Variants in ATXN2 observed in about 807,000 individuals in gnomAD.
ATXN2 encodes ataxin 2.
Under a neutral mutation model 138.6 loss-of-function variants are expected in ATXN2, and 37 were observed. The ratio of observed to expected loss-of-function variants is 0.27; its 90% CI spans 0.21 to 0.35. The LOEUF is 0.35. Among genes scored for constraint, ATXN2 ranks in the 10% least tolerant of loss-of-function variants. The probability of loss-of-function intolerance (pLI) is 1.00; values close to 1 mark genes in which losing one functional copy is unlikely to be tolerated. For missense variants in ATXN2, 1,216 were observed against 1,480.3 expected, an observed-to-expected ratio of 0.82 and a Z score of 2.93; for synonymous variants, 549 against 543.7, an observed-to-expected ratio of 1.01 and a Z score of -0.13.
intron 2 of ATXN2, 121 bp downstream of exon 2, chr12:111,555,762 G>A (rs1313400118): frequency 1.3e-6 from 1 of 788,200 alleles, no homozygotes; most frequent in African/African-American, 1.8e-5. Context: ...TACTTAAACA[G>A]TCAAGTTATC....
chr12:111,591,427 T>C (rs959362123), intron 1 of ATXN2, among the ~76,000 whole-genome samples: 6 of 152,024 alleles, frequency 3.9e-5, no homozygotes, highest in South Asian at 2.1e-4. Context: ...CTCAGCACTT[T>C]GGGAAGCTGA....
At chr12:111,490,404 G>A (rs1877945729) in intron 14 of ATXN2, among the ~76,000 whole-genome samples, 4 of 152,030 alleles carry the variant, frequency 2.6e-5, no homozygotes, top group Non-Finnish European at 4.4e-5. Context: ...TGGAGGGACC[G>A]TCATGGAGGC....
chr12:111,586,583 T>TCA (rs991545836), intron 1 of ATXN2, among the ~76,000 whole-genome samples: 1 of 151,864 alleles, frequency 6.6e-6, no homozygotes, highest in African/African-American at 2.4e-5. Flanking sequence ...AGATGGGGTT[T>TCA]CACCCTGTTG....
chr12:111,528,549 C>A (rs1880630989), intron 5 of ATXN2, among the ~76,000 whole-genome samples: 1 of 152,090 alleles, frequency 6.6e-6, no homozygotes, highest in Non-Finnish European at 1.5e-5. Context: ...AATCTTAAAT[C>A]TTCTGTTTAC....
rs555698065 is a variant in ATXN2, at chr12:111,558,608, G to A, written c.252-2689C>T. On this transcript the variant is annotated intron_variant, in intron 1 of 24. Transcript: ENST00000673436. ...AGTGCCGGAGTTTGAGATCAGTCTG[G>A]GCAACAAAGCAAAACCCTGTTTCTA... Among the ~76,000 whole-genome samples, 13 of 152,128 alleles carry A rather than the reference G, an allele frequency of 8.5e-5. No individual in the cohort carries two copies. In the South Asian group the frequency reaches 2.7e-3, roughly 32 times the overall value.
chr12:111,577,727 TAA>T (rs1421644452), intron 1 of ATXN2, among the ~76,000 whole-genome samples: 1 of 151,638 alleles, frequency 6.6e-6, no homozygotes, highest in Non-Finnish European at 1.5e-5. Context: ...GGTCAGAGGT[TAA>T]AAGTCTTAAC....
chr12:111,506,271 G>A (rs1879099894), intron 14 of ATXN2, among the ~76,000 whole-genome samples: 1 of 152,142 alleles, frequency 6.6e-6, no homozygotes, highest in Non-Finnish European at 1.5e-5. Context: ...TGGGGGTGAA[G>A]AGTATGTTTT....
intron 1 of ATXN2, among the ~76,000 whole-genome samples, chr12:111,556,641 C>T (rs986372962): frequency 6.6e-6 from 1 of 151,806 alleles, no homozygotes; most frequent in African/African-American, 2.4e-5. Flanking sequence ...CACAGTGAAA[C>T]CCCATCTCTA....
At chr12:111,543,796 C>T (rs925328820) in intron 5 of ATXN2, among the ~76,000 whole-genome samples, 1 of 152,140 alleles carries the variant, frequency 6.6e-6, no homozygotes. Context: ...ATTACATTAG[C>T]GTGGGCACAG....
At chr12:111,577,555 G>A (rs1008349693) in intron 1 of ATXN2, among the ~76,000 whole-genome samples, 5 of 151,674 alleles carry the variant, frequency 3.3e-5, no homozygotes, top group Admixed American at 6.6e-5. Flanking sequence ...ATGAGCCACC[G>A]GGCCCGGCCC....
intron 5 of ATXN2, among the ~76,000 whole-genome samples, chr12:111,544,118 T>C (rs187609455): frequency 7.2e-5 from 11 of 152,276 alleles, no homozygotes; most frequent in Admixed American, 2.6e-4. Flanking sequence ...AAGAATTACA[T>C]GTAAAATCTA....
chr12:111,537,673 C>G (rs552324771), intron 5 of ATXN2, among the ~76,000 whole-genome samples: 2 of 151,730 alleles, frequency 1.3e-5, no homozygotes, highest in East Asian at 3.9e-4. Context: ...GACAATAAAT[C>G]AATAGTTGCC....
intron 19 of ATXN2, 81 bp downstream of exon 19, chr12:111,470,477 T>C: frequency 6.6e-7 from 1 of 1,510,268 alleles, no homozygotes; most frequent in Non-Finnish European, 9.0e-7. Flanking sequence ...AAAGCAAAAA[T>C]TATAAAGGAA....
intron 16 of ATXN2, among the ~76,000 whole-genome samples, chr12:111,486,491 A>G (rs1263243153): frequency 6.6e-6 from 1 of 152,236 alleles, no homozygotes; most frequent in Non-Finnish European, 1.5e-5. Context: ...GGACGTATCT[A>G]TAAACCTGAC....
chr12:111,488,262 A>C (rs1322515372), intron 15 of ATXN2, among the ~76,000 whole-genome samples: 1 of 152,154 alleles, frequency 6.6e-6, no homozygotes, highest in Admixed American at 6.6e-5. Flanking sequence ...CCTGGGGTAC[A>C]AAAAAGGGGA....
chr12:111,572,413 A>AC (rs1883380144), intron 1 of ATXN2, among the ~76,000 whole-genome samples: 1 of 151,940 alleles, frequency 6.6e-6, no homozygotes, highest in Admixed American at 6.6e-5. Flanking sequence ...AAAAAAAAAA[A>AC]CAAATTTACT....
rs191226454 is a variant in ATXN2, at chr12:111,452,483, C to T, written c.*329G>A. 454 of 156,470 alleles carry T rather than the reference C, an allele frequency of 2.9e-3. 2 individuals are homozygous for T. The highest frequency in any genetic ancestry group is 1.0e-2 in the African/African-American group (367 of 36,708). 9.7% of individuals were successfully genotyped at this position (156,470 alleles called of 1,614,324 possible). ...ATAGCAGCAAGAATCACTCTTGTTA[C>T]TTCTTTTGCTAGCTGATGTGTTCAT... On this transcript the variant is annotated 3_prime_UTR_variant, in exon 25 of 25. Coordinates refer to ENST00000673436, the MANE Select transcript of ATXN2 (RefSeq NM_001372574.1).
intron 18 of ATXN2, among the ~76,000 whole-genome samples, chr12:111,472,475 G>C (rs1463616005): frequency 6.6e-6 from 1 of 152,132 alleles, no homozygotes; most frequent in African/African-American, 2.4e-5. Context: ...TGCAATGGAA[G>C]AGAAGTCCCT....
intron 12 of ATXN2, 137 bp from the exon 13 acceptor site, chr12:111,510,135 A>AGGGAAAGGAACACCAATAATTT: frequency 1.3e-6 from 1 of 749,518 alleles, no homozygotes; most frequent in Non-Finnish European, 2.1e-6. Flanking sequence ...TCCTTTGCAG[A>AGGGAAAGGAACACCAATAATTT]TGTCATATGA....
Sources: allele counts gnomAD v4.1 joint callset (sites outside exome capture counted in the v4.1 genomes callset), GRCh38; gene constraint gnomAD v4.1.1; transcripts MANE v1.5; gene names NCBI Gene and HGNC (gene_info 2026-07-23, HGNC 2026-07-21).